STRBP: variants seen among roughly 807,000 people sequenced by gnomAD.
The protein encoded by STRBP is spermatid perinuclear RNA-binding protein.
Under a neutral mutation model 80.1 loss-of-function variants are expected in STRBP, and 13 were observed. The observed-to-expected ratio is 0.16, with a 90% CI of 0.11 to 0.26. The LOEUF (loss-of-function observed/expected upper bound fraction) is 0.26. Ranked by LOEUF, STRBP falls within the 10% of genes least tolerant of loss-of-function variation. STRBP has a pLI of 1.00. For missense variants in STRBP, 485 were observed against 815.2 expected (o/e 0.59, Z 4.93); for synonymous variants, 284 against 291.2 (o/e 0.98, Z 0.25).
In STRBP at chr9:123,228,899, C is replaced by T. The variant is rs187075685; in HGVS notation, c.-165+7931G>A. Among the ~76,000 whole-genome samples the T allele has an allele frequency of 3.3e-3, 501 of 152,222 alleles. 2 individuals carry two copies. Among genetic ancestry groups the T allele is most frequent in the African/African-American group, 0.011 (473 of 41,536 alleles). ...AAAATCTGAACACAAATGTTCACGGCGGCATTTTTTGTAACAGCCAAAATG... is the reference window on the plus strand; with the variant it reads ...AAAATCTGAACACAAATGTTCACGGTGGCATTTTTTGTAACAGCCAAAATG... On this transcript the variant is annotated intron_variant, in intron 2 of 18. Coordinates refer to ENST00000348403, the MANE Select transcript of STRBP (RefSeq NM_018387.5).
chr9:123,264,420 C>T (rs1363485458), intron 1 of STRBP, among the ~76,000 whole-genome samples: 1 of 152,200 alleles, frequency 6.6e-6, no homozygotes, highest in Non-Finnish European at 1.5e-5. Flanking sequence ...CATCTCTATC[C>T]AACTTTCACA....
At chr9:123,212,213 G>T (rs1350861144) in intron 2 of STRBP, among the ~76,000 whole-genome samples, 1 of 152,050 alleles carries the variant, frequency 6.6e-6, no homozygotes, top group Admixed American at 6.5e-5. Context: ...ACTATAAAAA[G>T]AATTTGTTCT....
chr9:123,189,603 A>C (rs1386012309), intron 2 of STRBP, among the ~76,000 whole-genome samples: 2 of 152,132 alleles, frequency 1.3e-5, no homozygotes, highest in African/African-American at 4.8e-5. Flanking sequence ...AAGGACAGAA[A>C]ACCAAACACT....
At chr9:123,194,531 C>A (rs2039030541) in intron 2 of STRBP, among the ~76,000 whole-genome samples, 1 of 152,170 alleles carries the variant, frequency 6.6e-6, no homozygotes, top group African/African-American at 2.4e-5. Flanking sequence ...TCCTTGACCT[C>A]TTGCTTTGCT....
chr9:123,254,732 T>C (rs905028579), intron 1 of STRBP, among the ~76,000 whole-genome samples: 1 of 152,146 alleles, frequency 6.6e-6, no homozygotes, highest in African/African-American at 2.4e-5. Context: ...AGGTGAAAAA[T>C]ATAAATTATC....
At chr9:123,146,832 G>C (rs201732085) in intron 13 of STRBP, 23 bp downstream of exon 13, 388 of 1,566,422 alleles carry the variant, frequency 2.5e-4, no homozygotes, top group Non-Finnish European at 3.2e-4. Context: ...AGAAAGCATT[G>C]CAAAGTAAAA....
At chr9:123,207,357 T>C (rs1020441977) in intron 2 of STRBP, among the ~76,000 whole-genome samples, 4 of 152,218 alleles carry the variant, frequency 2.6e-5, no homozygotes, top group Non-Finnish European at 4.4e-5. Context: ...CACTTCATCA[T>C]GTCTAAAGTC....
downstream of STRBP, among the ~76,000 whole-genome samples, chr9:123,119,660 C>T (rs1564206393): frequency 6.6e-6 from 1 of 152,172 alleles, no homozygotes; most frequent in Non-Finnish European, 1.5e-5. Flanking sequence ...GCCTCTCCAA[C>T]ACCTGTTGGC....
chr9:123,177,920 A>T (rs1056708141), intron 4 of STRBP, among the ~76,000 whole-genome samples: 46 of 152,218 alleles, frequency 3.0e-4, no homozygotes, highest in African/African-American at 1.0e-3. Context: ...AAATAATTAG[A>T]TAACATTACT....
chr9:123,117,497 G>C (rs2035664868), downstream of STRBP, among the ~76,000 whole-genome samples: 1 of 152,166 alleles, frequency 6.6e-6, no homozygotes, highest in African/African-American at 2.4e-5. Flanking sequence ...CATCCAAGCA[G>C]GGCTTACCAT....
intron 1 of STRBP, among the ~76,000 whole-genome samples, chr9:123,237,249 G>A (rs1005175403): frequency 6.6e-6 from 1 of 152,180 alleles, no homozygotes; most frequent in African/African-American, 2.4e-5. Flanking sequence ...AGCTGCGGCA[G>A]AAAATTGCTA....
At chr9:123,147,677 CAA>C (rs551381831) in intron 12 of STRBP, 99 bp downstream of exon 12, 26,390 of 363,562 alleles carry the variant, frequency 0.073, no homozygotes, top group South Asian at 0.1. Context: ...GAACCGATCT[CAA>C]AAAAAAAAAA....
intron 6 of STRBP, among the ~76,000 whole-genome samples, 191 bp downstream of exon 6, chr9:123,169,711 T>C (rs921806436): frequency 6.6e-6 from 1 of 152,166 alleles, no homozygotes; most frequent in Admixed American, 6.5e-5. Context: ...TTTGAATTCA[T>C]ACATTTTTGC....
chr9:123,264,531 G>T (rs189966973), intron 1 of STRBP, among the ~76,000 whole-genome samples: 2 of 152,270 alleles, frequency 1.3e-5, no homozygotes, highest in East Asian at 3.9e-4. Flanking sequence ...ATCTATCCCC[G>T]TATTTACGTA....
intron 2 of STRBP, among the ~76,000 whole-genome samples, chr9:123,231,771 A>G (rs2040404440): frequency 6.6e-6 from 1 of 152,166 alleles, no homozygotes; most frequent in Non-Finnish European, 1.5e-5. Context: ...TCTTAAGGAA[A>G]TAAATCTGTC....
In STRBP at chr9:123,114,377, C is replaced by A. The variant is rs183485614; in HGVS notation, c.*84+1552G>T. 3.0e-5 allele frequency: 5 copies of A among 167,284 alleles called. No homozygotes were observed. In the Admixed American group the frequency reaches 3.3e-4, roughly 11 times the overall value. The allele number at this position is 167,284 out of a possible 1,614,324, so 10.4% of individuals were successfully genotyped here. ...TCCACGTCTTCCCATGGGCTACAGA[C>A]TGTGTTCCACAGATGCTGAATCCAA... On this transcript the variant is annotated intron_variant and NMD_transcript_variant, in intron 3 of 3. Transcript: ENST00000471564.
chr9:123,169,965 G>A lies in STRBP; in HGVS notation c.472C>T (p.Leu158=). The change falls in exon 6 of 19, where the codon CTA becomes TTA. Residue 158 remains leucine, a synonymous_variant. Coordinates refer to ENST00000348403, the MANE Select transcript of STRBP (RefSeq NM_018387.5). The part of the protein sequence containing the change: ...IIIRNTKEPT[L]TLKVILTSPL... Reference sequence around the variant, plus strand: ...GAGGTAAGTATCACCTTCAAAGTTAGCGTGGGCTCTTTTGTATTCCGAATT... The same window carrying A: ...GAGGTAAGTATCACCTTCAAAGTTAACGTGGGCTCTTTTGTATTCCGAATT... 6.2e-7 allele frequency: 1 copy of A among 1,608,402 alleles called. No homozygotes were observed. The highest frequency in any genetic ancestry group is 2.2e-5 in the East Asian group (1 of 44,510).
intron 2 of STRBP, among the ~76,000 whole-genome samples, chr9:123,209,908 G>C (rs2039650345): frequency 6.6e-6 from 1 of 152,070 alleles, no homozygotes; most frequent in African/African-American, 2.4e-5. Context: ...TCAGAGAAAG[G>C]GTAAATCATT....
chr9:123,133,580 C>G (rs2036232821), intron 16 of STRBP, among the ~76,000 whole-genome samples: 1 of 152,000 alleles, frequency 6.6e-6, no homozygotes, highest in African/African-American at 2.4e-5. Context: ...GCTCTGTCAC[C>G]CAGGCTGGAG....
Sources: allele counts gnomAD v4.1 joint callset (sites outside exome capture counted in the v4.1 genomes callset), GRCh38; gene constraint gnomAD v4.1.1; transcripts MANE v1.5; gene names NCBI Gene and HGNC (gene_info 2026-07-23, HGNC 2026-07-21).